Variants in RFX3 observed in about 807,000 individuals in gnomAD.
RFX3 encodes the protein regulatory factor X3, also known as transcription factor RFX3.
In RFX3, 14 loss-of-function variants were observed where a neutral mutation model predicts 98.6. The ratio of observed to expected loss-of-function variants is 0.14; its 90% CI spans 0.09 to 0.22. The LOEUF (loss-of-function observed/expected upper bound fraction) is 0.22. Among genes scored for constraint, RFX3 ranks in the 10% least tolerant of loss-of-function variants. The pLI, the probability that RFX3 is intolerant of heterozygous loss-of-function variation, is 1.00. For missense variants in RFX3, 639 were observed against 926.9 expected (o/e 0.69, Z 4.03); for synonymous variants, 383 against 328.4 (o/e 1.17, Z -1.80).
intron 14 of RFX3, among the ~76,000 whole-genome samples, chr9:3,256,055 C>A (rs1311239094): frequency 2.0e-5 from 3 of 152,068 alleles, no homozygotes; most frequent in Non-Finnish European, 4.4e-5. Flanking sequence ...CAAGCTCCGC[C>A]TTCCGGGTTC....
chr9:3,262,211 T>A (rs950711705), intron 13 of RFX3, among the ~76,000 whole-genome samples: 1 of 152,190 alleles, frequency 6.6e-6, no homozygotes, highest in Non-Finnish European at 1.5e-5. Flanking sequence ...GCTATTGTTT[T>A]TATTTGGTAA....
chr9:3,502,778 T>C (rs1302931369), intron 1 of RFX3, among the ~76,000 whole-genome samples: 1 of 152,168 alleles, frequency 6.6e-6, no homozygotes, highest in African/African-American at 2.4e-5. Flanking sequence ...GCAATGTGAA[T>C]GTTAGCCCTG....
At chr9:3,343,448 TA>T (rs1350971408) in intron 3 of RFX3, among the ~76,000 whole-genome samples, 1 of 152,174 alleles carries the variant, frequency 6.6e-6, no homozygotes, top group Non-Finnish European at 1.5e-5. Context: ...TATTCTTTCC[TA>T]ACGTACATGG....
intron 1 of RFX3, among the ~76,000 whole-genome samples, chr9:3,421,744 G>A (rs1843458852): frequency 6.6e-6 from 1 of 152,186 alleles, no homozygotes; most frequent in South Asian, 2.1e-4. Context: ...CATATGGAAA[G>A]TAAGCCCTCA....
At chr9:3,366,702 C>CTTTT (rs1394914976) in intron 2 of RFX3, among the ~76,000 whole-genome samples, 2 of 76,304 alleles carry the variant, frequency 2.6e-5, no homozygotes, top group African/African-American at 1.1e-4. Flanking sequence ...TCCTTTCTTT[C>CTTTT]TTTCTTTCTT....
intron 2 of RFX3, among the ~76,000 whole-genome samples, chr9:3,376,244 A>C (rs952227570): frequency 2.0e-5 from 3 of 152,214 alleles, no homozygotes; most frequent in Non-Finnish European, 4.4e-5. Flanking sequence ...TGGGAATATA[A>C]AATAGTATAA....
chr9:3,319,853 GAA>G (rs199976614), intron 4 of RFX3, among the ~76,000 whole-genome samples: 263 of 121,468 alleles, frequency 2.2e-3, no homozygotes, highest in African/African-American at 6.8e-3. Flanking sequence ...GTCAGTGACC[GAA>G]AAAAAAAAAA....
intron 1 of RFX3, among the ~76,000 whole-genome samples, chr9:3,505,187 T>C (rs1283677945): frequency 3.1e-5 from 3 of 97,712 alleles, no homozygotes; most frequent in African/African-American, 1.3e-4. Context: ...TAAATATATA[T>C]ATGAATATAT....
In RFX3 at chr9:3,288,211, C is replaced by T. The variant is rs768887150; in HGVS notation, c.771G>A (p.Lys257=). ...SKYHYYGIRV[K]PDSPLNRLQE... is the part of the protein sequence containing the mutation. The stretch of plus-strand genomic sequence containing the variant: ...GCAGACGATTAAGAGGGGAATCTGG[C>T]TTGACACGAATCCCATAGTAGTGGT... Residue 257 remains lysine (K), a synonymous_variant, in exon 7 of 17, where the codon AAG becomes AAA. Transcript: ENST00000617270. 6.2e-7 allele frequency: 1 copy of T among 1,612,114 alleles called. No individual in the cohort carries two copies. The highest frequency in any genetic ancestry group is 1.7e-5 in the Admixed American group (1 of 59,950).
At chr9:3,408,305 A>T (rs559477801) in intron 1 of RFX3, among the ~76,000 whole-genome samples, 1 of 152,308 alleles carries the variant, frequency 6.6e-6, no homozygotes, top group African/African-American at 2.4e-5. Flanking sequence ...GTTCAGGGTA[A>T]TAAAGCCCCA....
At chr9:3,404,981 A>G (rs1050869101) in intron 1 of RFX3, among the ~76,000 whole-genome samples, 2 of 152,204 alleles carry the variant, frequency 1.3e-5, no homozygotes, top group African/African-American at 4.8e-5. Context: ...CAACTTTTCC[A>G]AAGTCACTAA....
intron 1 of RFX3, among the ~76,000 whole-genome samples, chr9:3,440,793 A>G (rs954803007): frequency 2.6e-5 from 4 of 152,198 alleles, no homozygotes; most frequent in African/African-American, 7.2e-5. Flanking sequence ...TTTGATAAAG[A>G]AAAAGTAAAA....
At chr9:3,323,162 A>G (rs1416604654) in intron 4 of RFX3, among the ~76,000 whole-genome samples, 1 of 152,226 alleles carries the variant, frequency 6.6e-6, no homozygotes, top group African/African-American at 2.4e-5. Context: ...TGTACTGAGA[A>G]AGTGGTAATC....
At chr9:3,247,652 T>C in intron 15 of RFX3, 1 of 1,398,792 alleles carries the variant, frequency 7.1e-7, no homozygotes, top group Non-Finnish European at 9.3e-7. Context: ...CGGGAAAGAG[T>C]CTACAAAATA....
Position 3,263,078 on chromosome 9 carries a change from C to A in RFX3, c.1462G>T (p.Ala488Ser). 1 of 1,613,440 alleles carries A rather than the reference C, an allele frequency of 6.2e-7. No homozygotes were observed. The highest frequency in any genetic ancestry group is 1.1e-5 in the South Asian group (1 of 91,058). Residue 488 changes from alanine to serine, a missense_variant, in exon 13 of 17, where the codon GCT (alanine) becomes TCT (serine). Around this residue, in one of 9 missense-constraint regions of RFX3, gnomAD observed 138 missense variants for 308.9 expected, o/e 0.45. Transcript: ENST00000617270. ...PQRMIQTKVA[A>S]VSAFAQTLRR... is the part of the protein sequence containing the mutation. Reference sequence around the variant, plus strand: ...AGAGTCTGGGCAAAGGCACTTACAGCGGCAACCTGTAACGCAATCCAATTA... The same window carrying A: ...AGAGTCTGGGCAAAGGCACTTACAGAGGCAACCTGTAACGCAATCCAATTA...
intron 5 of RFX3, among the ~76,000 whole-genome samples, 174 bp downstream of exon 5, chr9:3,301,372 T>C (rs1828639900): frequency 6.6e-6 from 1 of 151,840 alleles, no homozygotes; most frequent in African/African-American, 2.4e-5. Context: ...ACTCTATTTT[T>C]TGGATATTTC....
intron 5 of RFX3, among the ~76,000 whole-genome samples, chr9:3,300,068 C>T (rs1463943979): frequency 1.3e-5 from 2 of 151,246 alleles, no homozygotes; most frequent in African/African-American, 2.4e-5. Flanking sequence ...TTTCACTTCC[C>T]ATTTTCAAAG....
chr9:3,399,890 G>A (rs961214724), intron 1 of RFX3, among the ~76,000 whole-genome samples: 1 of 151,202 alleles, frequency 6.6e-6, no homozygotes, highest in African/African-American at 2.4e-5. Context: ...CAGAGGTTGC[G>A]GTGAGCCAAG....
At chr9:3,432,987 G>A (rs1278484729) in intron 1 of RFX3, among the ~76,000 whole-genome samples, 1 of 152,076 alleles carries the variant, frequency 6.6e-6, no homozygotes, top group Non-Finnish European at 1.5e-5. Context: ...AGGTTAGCGT[G>A]TAAGTTTACC....
Sources: allele counts gnomAD v4.1 joint callset (sites outside exome capture counted in the v4.1 genomes callset), GRCh38; gene constraint gnomAD v4.1.1; regional missense constraint gnomAD v4.1.1; transcripts MANE v1.5; gene names NCBI Gene and HGNC (gene_info 2026-07-23, HGNC 2026-07-21).